DLG2: variants seen among roughly 807,000 people sequenced by gnomAD.
DLG2 encodes the protein disks large homolog 2.
A neutral mutation model predicts 132.5 loss-of-function variants in DLG2; 45 were observed. The ratio of observed to expected loss-of-function variants is 0.34; its 90% CI spans 0.27 to 0.44. The LOEUF is 0.44. Among genes scored for constraint, DLG2 ranks in the 20% least tolerant of loss-of-function variants. The probability of loss-of-function intolerance (pLI) is 1.00; values close to 1 mark genes in which losing one functional copy is unlikely to be tolerated. For synonymous variants in DLG2, 424 were observed against 419.6 expected, an observed-to-expected ratio of 1.01 and a Z score of -0.13; for missense variants, 1,045 against 1,196.9, an observed-to-expected ratio of 0.87 and a Z score of 1.87.
chr11:84,966,215 T>C (rs917849102), intron 6 of DLG2, among the ~76,000 whole-genome samples: 4 of 152,120 alleles, frequency 2.6e-5, no homozygotes, highest in Admixed American at 1.3e-4. Context: ...TCTATCTATC[T>C]ATCTGTCTGT....
intron 6 of DLG2, among the ~76,000 whole-genome samples, chr11:84,787,986 C>T (rs928943122): frequency 1.7e-4 from 25 of 148,926 alleles, no homozygotes; most frequent in African/African-American, 6.2e-4. Context: ...CCTGTAGTCC[C>T]AGTTACTTGG....
intron 7 of DLG2, among the ~76,000 whole-genome samples, chr11:84,271,522 T>C (rs540429277): frequency 1.3e-5 from 2 of 152,292 alleles, no homozygotes; most frequent in South Asian, 4.1e-4. Context: ...AATAATTTTA[T>C]GAGATCAGTA....
chr11:83,821,365 T>C (rs2050738681), intron 17 of DLG2, among the ~76,000 whole-genome samples: 1 of 152,182 alleles, frequency 6.6e-6, no homozygotes, highest in African/African-American at 2.4e-5. Context: ...GAAGTGGTGA[T>C]GGTGATGATG....
intron 3 of DLG2, among the ~76,000 whole-genome samples, chr11:85,409,689 G>C (rs190985352): frequency 2.0e-5 from 3 of 151,842 alleles, no homozygotes; most frequent in African/African-American, 7.2e-5. Context: ...TATATATCTG[G>C]GGGGGTGGAG....
intron 6 of DLG2, among the ~76,000 whole-genome samples, chr11:85,066,256 A>G (rs1405394670): frequency 6.6e-6 from 1 of 151,578 alleles, no homozygotes; most frequent in East Asian, 1.9e-4. Context: ...AGGAAGAAAT[A>G]TAAATCCTAA....
intron 5 of DLG2, among the ~76,000 whole-genome samples, chr11:85,114,013 A>T (rs1315848325): frequency 6.6e-6 from 1 of 151,978 alleles, no homozygotes; most frequent in Non-Finnish European, 1.5e-5. Flanking sequence ...AGAGCCTTCC[A>T]CTTAAGTGTG....
At chr11:83,926,160 T>G (rs1298709588) in intron 15 of DLG2, among the ~76,000 whole-genome samples, 1 of 152,104 alleles carries the variant, frequency 6.6e-6, no homozygotes, top group Admixed American at 6.6e-5. Flanking sequence ...AATTAATTCA[T>G]CCCTGAATGT....
intron 3 of DLG2, among the ~76,000 whole-genome samples, chr11:85,440,888 G>T (rs2091744854): frequency 6.6e-6 from 1 of 152,116 alleles, no homozygotes; most frequent in South Asian, 2.1e-4. Flanking sequence ...ATTTGGGTCT[G>T]TAAACTCAAA....
chr11:84,520,003 T>C (rs1186171551), intron 7 of DLG2, among the ~76,000 whole-genome samples: 2 of 152,172 alleles, frequency 1.3e-5, no homozygotes, highest in African/African-American at 4.8e-5. Context: ...TGGAAAAAGG[T>C]TGAAAATACT....
At chr11:85,061,486 T>C (rs1193385787) in intron 6 of DLG2, among the ~76,000 whole-genome samples, 3 of 151,862 alleles carry the variant, frequency 2.0e-5, no homozygotes, top group Non-Finnish European at 4.4e-5. Context: ...TCTGAAGGCA[T>C]ATCCCTCAGG....
At chr11:85,001,906 T>G (rs1206250044) in intron 6 of DLG2, among the ~76,000 whole-genome samples, 1 of 152,130 alleles carries the variant, frequency 6.6e-6, no homozygotes, top group East Asian at 1.9e-4. Flanking sequence ...ATATGGGAAA[T>G]CTATTTTCTG....
At chr11:84,251,704 G>T (rs1388395024) in intron 7 of DLG2, among the ~76,000 whole-genome samples, 1 of 142,912 alleles carries the variant, frequency 7.0e-6, no homozygotes, top group East Asian at 2.1e-4. Context: ...GTGCAGTGGT[G>T]CAATCTCGGC....
At chr11:84,665,285 G>T (rs1383503701) in intron 6 of DLG2, among the ~76,000 whole-genome samples, 1 of 152,072 alleles carries the variant, frequency 6.6e-6, no homozygotes, top group African/African-American at 2.4e-5. Context: ...CTATATATGT[G>T]TTAAATTATT....
chr11:84,070,511 A>T (rs1246673225), intron 10 of DLG2, among the ~76,000 whole-genome samples: 1 of 152,262 alleles, frequency 6.6e-6, no homozygotes, highest in Non-Finnish European at 1.5e-5. Flanking sequence ...AAATACATTT[A>T]ACAATGCTGG....
chr11:84,326,486 A>T (rs980609694), intron 7 of DLG2, among the ~76,000 whole-genome samples: 1 of 152,014 alleles, frequency 6.6e-6, no homozygotes, highest in African/African-American at 2.4e-5. Flanking sequence ...TCTTTGACCT[A>T]TTGGTTAAGA....
intron 7 of DLG2, among the ~76,000 whole-genome samples, chr11:84,271,460 C>T (rs75638930): frequency 0.021 from 3,196 of 152,294 alleles, 52 homozygotes; most frequent in Non-Finnish European, 0.028. Flanking sequence ...CACTACACCA[C>T]CACAATGCTA....
chr11:84,257,117 T>A (rs1458026763), intron 7 of DLG2, among the ~76,000 whole-genome samples: 1 of 152,172 alleles, frequency 6.6e-6, no homozygotes, highest in African/African-American at 2.4e-5. Context: ...AACTGTATTG[T>A]GTATTAGATT....
At chr11:84,895,025 C>A (rs1348849116) in intron 6 of DLG2, among the ~76,000 whole-genome samples, 1 of 152,104 alleles carries the variant, frequency 6.6e-6, no homozygotes, top group African/African-American at 2.4e-5. Flanking sequence ...TATTAACACA[C>A]TGTATGACAT....
At chr11:84,425,878 C>A (rs2098964796) in intron 7 of DLG2, among the ~76,000 whole-genome samples, 1 of 152,072 alleles carries the variant, frequency 6.6e-6, no homozygotes, top group Non-Finnish European at 1.5e-5. Context: ...CAATTCACAG[C>A]AGGAACATTC....
Sources: allele counts gnomAD v4.1 joint callset (sites outside exome capture counted in the v4.1 genomes callset), GRCh38; gene constraint gnomAD v4.1.1; transcripts MANE v1.5; gene names NCBI Gene and HGNC (gene_info 2026-07-23, HGNC 2026-07-21).